TTC27: variants seen among roughly 807,000 people sequenced by gnomAD.
TTC27 encodes tetratricopeptide repeat protein 27.
Under a neutral mutation model 115.9 loss-of-function variants are expected in TTC27, and 79 were observed. That is an observed-to-expected ratio of 0.68 (90% CI 0.57 to 0.82). TTC27 has a LOEUF of 0.82. TTC27 is among the 40% of genes least tolerant of loss of function. The probability of loss-of-function intolerance (pLI) is 0.00; values close to 1 mark genes in which losing one functional copy is unlikely to be tolerated. For missense variants in TTC27, 1,054 were observed against 993.1 expected (o/e 1.06, Z -0.82); for synonymous variants, 401 against 356.0 (o/e 1.13, Z -1.42).
chr2:32,810,542 A>G (rs1215605473), intron 16 of TTC27, among the ~76,000 whole-genome samples: 1 of 152,228 alleles, frequency 6.6e-6, no homozygotes, highest in African/African-American at 2.4e-5. Flanking sequence ...GATTACAGGA[A>G]GAAGATCAAT....
intron 2 of TTC27, among the ~76,000 whole-genome samples, chr2:32,633,140 C>G (rs377254140): frequency 6.6e-6 from 1 of 152,096 alleles, no homozygotes; most frequent in East Asian, 1.9e-4. Flanking sequence ...ATACATCTTG[C>G]AACATCAGAG....
intron 16 of TTC27, among the ~76,000 whole-genome samples, chr2:32,791,024 T>A (rs1670516955): frequency 6.6e-6 from 1 of 152,228 alleles, no homozygotes; most frequent in Non-Finnish European, 1.5e-5. Flanking sequence ...TTTTGACTAA[T>A]GTATAGTTTG....
At chr2:32,638,609 C>T (rs1002525544) in intron 3 of TTC27, among the ~76,000 whole-genome samples, 1 of 152,068 alleles carries the variant, frequency 6.6e-6, no homozygotes, top group African/African-American at 2.4e-5. Flanking sequence ...GAACTCCTGA[C>T]CTCAGGTGAT....
At chr2:32,670,092 G>A (rs1055560425) in intron 7 of TTC27, among the ~76,000 whole-genome samples, 1 of 151,806 alleles carries the variant, frequency 6.6e-6, no homozygotes, top group Non-Finnish European at 1.5e-5. Flanking sequence ...TGGCCAGGCT[G>A]GTCTCGAACT....
chr2:32,654,848 A>C (rs1179922122), intron 5 of TTC27, among the ~76,000 whole-genome samples: 1 of 151,832 alleles, frequency 6.6e-6, no homozygotes. Flanking sequence ...GGTGCCCACC[A>C]CCATGCCTGG....
At chr2:32,661,210 C>T (rs1188682840) in intron 5 of TTC27, among the ~76,000 whole-genome samples, 2 of 152,088 alleles carry the variant, frequency 1.3e-5, no homozygotes, top group Non-Finnish European at 2.9e-5. Flanking sequence ...TGTGATGCCT[C>T]CAGCTTTGTT....
At chr2:32,703,858 T>G (rs1303153761) in intron 10 of TTC27, among the ~76,000 whole-genome samples, 4 of 152,224 alleles carry the variant, frequency 2.6e-5, no homozygotes, top group Non-Finnish European at 5.9e-5. Flanking sequence ...ACTAGGTAAT[T>G]TATAAAGTAC....
chr2:32,660,171 G>A (rs1665484762), intron 5 of TTC27, among the ~76,000 whole-genome samples: 1 of 152,030 alleles, frequency 6.6e-6, no homozygotes, highest in Admixed American at 6.6e-5. Flanking sequence ...ATCTTCTCCA[G>A]CATCTGTTGT....
chr2:32,686,019 T>C (rs1261356716), intron 9 of TTC27, among the ~76,000 whole-genome samples: 1 of 152,156 alleles, frequency 6.6e-6, no homozygotes, highest in East Asian at 1.9e-4. Context: ...GAATACAAGG[T>C]CAATATAAAA....
chr2:32,814,375 A>G (rs954152970), intron 18 of TTC27, among the ~76,000 whole-genome samples: 2 of 152,248 alleles, frequency 1.3e-5, no homozygotes, highest in Admixed American at 6.5e-5. Context: ...TTATGTGTTC[A>G]TGCTCCTACA....
chr2:32,786,109 C>G (rs1670339212), intron 15 of TTC27, among the ~76,000 whole-genome samples: 1 of 142,536 alleles, frequency 7.0e-6, no homozygotes, highest in Non-Finnish European at 1.5e-5. Context: ...TCACTCCTCC[C>G]TCTCCCCCTT....
At chr2:32,759,361 T>A (rs1669355263) in intron 13 of TTC27, among the ~76,000 whole-genome samples, 1 of 152,214 alleles carries the variant, frequency 6.6e-6, no homozygotes, top group African/African-American at 2.4e-5. Flanking sequence ...AGCATTTTGC[T>A]AGTATTCGAA....
intron 9 of TTC27, among the ~76,000 whole-genome samples, chr2:32,692,990 A>G (rs1666867979): frequency 1.3e-5 from 2 of 151,852 alleles, no homozygotes; most frequent in African/African-American, 4.8e-5. Flanking sequence ...AAAAAAAAAA[A>G]TCTATAAAAC....
intron 16 of TTC27, among the ~76,000 whole-genome samples, chr2:32,790,084 C>T (rs766156726): frequency 1.3e-4 from 20 of 151,408 alleles, no homozygotes; most frequent in Admixed American, 6.6e-4. Flanking sequence ...ATTCAGATAA[C>T]GTGATTTAAC....
chr2:32,760,599 G>A (rs13008476), intron 13 of TTC27, among the ~76,000 whole-genome samples: 114,088 of 151,928 alleles, frequency 0.75, 42,880 homozygotes, highest in Middle Eastern at 0.81. Flanking sequence ...GGGAGGGGTT[G>A]GTTTTTGGTT....
rs547319483 is a variant in TTC27 at position 32,644,365 on chromosome 2, G to T, written c.537+3955G>T. Among the ~76,000 whole-genome samples, 67 of 150,456 alleles carry T rather than the reference G, an allele frequency of 4.5e-4. 1 individual carries two copies. Among genetic ancestry groups the T allele is most frequent in the Admixed American group, 4.1e-3 (62 of 15,088 alleles). ...GACTCTGTCTCCAAAAAAAAAAAAA[G>T]TATGTTAAGCATCATTTGAAAAATA... is the stretch of plus-strand genomic sequence containing the variant. On this transcript the variant is annotated intron_variant, in intron 4 of 19. Transcript: ENST00000317907.
intron 10 of TTC27, among the ~76,000 whole-genome samples, chr2:32,704,025 C>G (rs533774330): frequency 6.6e-6 from 1 of 152,264 alleles, no homozygotes; most frequent in Non-Finnish European, 1.5e-5. Context: ...TCCTTTTACA[C>G]CATTTTATAA....
intron 2 of TTC27, 150 bp downstream of exon 2, chr2:32,630,850 C>G (rs970958819): frequency 2.9e-6 from 2 of 682,994 alleles, no homozygotes; most frequent in Non-Finnish European, 2.3e-6. Flanking sequence ...TATGTAAAAA[C>G]TCATCCAGAA....
Position 32,664,477 on chromosome 2 carries a change from A to T in TTC27, c.805+10A>T. The T allele has an allele frequency of 6.3e-7, 1 of 1,591,578 alleles. No individual in the cohort carries two copies. Among genetic ancestry groups the T allele is most frequent in the Non-Finnish European group, 8.5e-7 (1 of 1,174,146 alleles). On this transcript the variant is annotated intron_variant, in intron 6 of 19. Coordinates refer to ENST00000317907, the MANE Select transcript of TTC27 (RefSeq NM_017735.5). ...CAAATTGATTTGACAGGTAAGACTTATTTTTTGTGGATAATTGATTTTATT... is the reference window on the plus strand; with the variant it reads ...CAAATTGATTTGACAGGTAAGACTTTTTTTTTGTGGATAATTGATTTTATT...
Sources: allele counts gnomAD v4.1 joint callset (sites outside exome capture counted in the v4.1 genomes callset), GRCh38; gene constraint gnomAD v4.1.1; transcripts MANE v1.5; gene names NCBI Gene and HGNC (gene_info 2026-07-23, HGNC 2026-07-21).